The following ARHGAP15 variants were observed in gnomAD, a reference collection of about 807,000 sequenced individuals.
ARHGAP15 encodes Rho GTPase activating protein 15, also known as rho GTPase-activating protein 15.
A neutral mutation model predicts 63.7 loss-of-function variants in ARHGAP15; 51 were observed. The ratio of observed to expected loss-of-function variants is 0.80; its 90% CI spans 0.64 to 1.01. The LOEUF (loss-of-function observed/expected upper bound fraction) is 1.01, where lower values mean the gene tolerates loss of function less well. ARHGAP15 is among the 50% of genes least tolerant of loss of function. The pLI is 0.00. For missense variants in ARHGAP15, 560 were observed against 564.6 expected, an observed-to-expected ratio of 0.99 and a Z score of 0.08; for synonymous variants, 191 against 193.8, an observed-to-expected ratio of 0.99 and a Z score of 0.12.
At chr2:143,415,207 T>A (rs1156229552) in intron 6 of ARHGAP15, among the ~76,000 whole-genome samples, 1 of 152,086 alleles carries the variant, frequency 6.6e-6, no homozygotes, top group Non-Finnish European at 1.5e-5. Context: ...TCATTCATTG[T>A]TTAGGAAAAA....
chr2:143,528,985 C>T (rs1422046858), intron 10 of ARHGAP15, among the ~76,000 whole-genome samples: 1 of 152,050 alleles, frequency 6.6e-6, no homozygotes, highest in East Asian at 1.9e-4. Flanking sequence ...CTCAATTATA[C>T]CTAAAGCTTC....
At chr2:143,661,851 G>A (rs1264414001) in intron 12 of ARHGAP15, among the ~76,000 whole-genome samples, 7 of 152,286 alleles carry the variant, frequency 4.6e-5, no homozygotes, top group South Asian at 2.1e-4. Flanking sequence ...CGAATATTAC[G>A]CTTTTCGGAC....
chr2:143,378,451 T>C (rs1229349841), intron 6 of ARHGAP15, among the ~76,000 whole-genome samples: 3 of 152,066 alleles, frequency 2.0e-5, no homozygotes, highest in African/African-American at 7.2e-5. Context: ...AAAATAGTAA[T>C]ATACTGGATC....
At chr2:143,496,556 T>G (rs914815878) in intron 9 of ARHGAP15, among the ~76,000 whole-genome samples, 1 of 152,234 alleles carries the variant, frequency 6.6e-6, no homozygotes, top group Non-Finnish European at 1.5e-5. Flanking sequence ...TACACTTGAT[T>G]TTTTTAACCT....
At chr2:143,480,541 C>T (rs12616939) in intron 8 of ARHGAP15, among the ~76,000 whole-genome samples, 38,241 of 152,030 alleles carry the variant, frequency 0.25, 5,780 homozygotes, top group East Asian at 0.7. Flanking sequence ...AGTTAAAGTG[C>T]CCAGCATTCC....
chr2:143,154,596 A>G (rs1274947646), intron 1 of ARHGAP15, among the ~76,000 whole-genome samples: 1 of 151,978 alleles, frequency 6.6e-6, no homozygotes, highest in East Asian at 2.0e-4. Context: ...AAATGAGAAG[A>G]TGTGTTTGTA....
rs185232290 is a variant in ARHGAP15, at chr2:143,254,733, A to T, written c.474+4133A>T. ...AAATTAGTCTTGTCTCCCCAAAGAA[A>T]ATACATAGAAACTATATCCCATACT... On this transcript the variant is annotated intron_variant, in intron 6 of 13. Coordinates refer to ENST00000295095, the MANE Select transcript of ARHGAP15 (RefSeq NM_018460.4). Among the ~76,000 whole-genome samples, 23 of 152,242 alleles carry T rather than the reference A, an allele frequency of 1.5e-4. No homozygotes were observed. In the East Asian group the frequency reaches 3.5e-3, roughly 23 times the overall value.
chr2:143,354,641 C>T (rs903252985), intron 6 of ARHGAP15, among the ~76,000 whole-genome samples: 1 of 151,968 alleles, frequency 6.6e-6, no homozygotes, highest in Non-Finnish European at 1.5e-5. Flanking sequence ...TATGTAGCAC[C>T]TTATTTAAAT....
At chr2:143,543,248 A>G (rs1306839394) in intron 10 of ARHGAP15, among the ~76,000 whole-genome samples, 1 of 152,112 alleles carries the variant, frequency 6.6e-6, no homozygotes, top group African/African-American at 2.4e-5. Flanking sequence ...TATCAGAGGT[A>G]AGGTGATATC....
chr2:143,695,639 G>A (rs141257161), intron 12 of ARHGAP15, among the ~76,000 whole-genome samples: 101 of 152,212 alleles, frequency 6.6e-4, no homozygotes, highest in African/African-American at 2.2e-3. Flanking sequence ...AGGCTGAGGC[G>A]GGTGGATCGC....
intron 8 of ARHGAP15, among the ~76,000 whole-genome samples, chr2:143,483,509 T>A (rs1218082284): frequency 6.6e-6 from 1 of 152,208 alleles, no homozygotes; most frequent in Non-Finnish European, 1.5e-5. Context: ...AGATTGATTA[T>A]TCTGTGTCAT....
intron 8 of ARHGAP15, among the ~76,000 whole-genome samples, chr2:143,465,078 C>T (rs1285824837): frequency 6.6e-6 from 1 of 152,110 alleles, no homozygotes; most frequent in Non-Finnish European, 1.5e-5. Flanking sequence ...TTCTATTATT[C>T]CTCCCTTTTA....
intron 13 of ARHGAP15, among the ~76,000 whole-genome samples, chr2:143,716,121 A>G (rs1684800528): frequency 6.6e-6 from 1 of 152,176 alleles, no homozygotes; most frequent in South Asian, 2.1e-4. Flanking sequence ...ACCATGGCAC[A>G]CGTTTAACTA....
intron 12 of ARHGAP15, among the ~76,000 whole-genome samples, chr2:143,681,018 A>G (rs1041814499): frequency 2.0e-5 from 3 of 152,222 alleles, no homozygotes; most frequent in Non-Finnish European, 2.9e-5. Context: ...CTTTCAGTGC[A>G]AAGACACCAT....
chr2:143,562,273 AAGTG>A (rs1172776358), intron 11 of ARHGAP15, among the ~76,000 whole-genome samples: 1 of 152,236 alleles, frequency 6.6e-6, no homozygotes, highest in Non-Finnish European at 1.5e-5. Context: ...AAGAAAGAGA[AAGTG>A]AGAAAGAATG....
intron 6 of ARHGAP15, among the ~76,000 whole-genome samples, chr2:143,281,577 T>C (rs1441982652): frequency 6.6e-6 from 1 of 151,890 alleles, no homozygotes; most frequent in Non-Finnish European, 1.5e-5. Context: ...TAACGTGGAC[T>C]CCCGGGAAAC....
At chr2:143,476,407 A>C (rs1047978818) in intron 8 of ARHGAP15, among the ~76,000 whole-genome samples, 2 of 152,198 alleles carry the variant, frequency 1.3e-5, no homozygotes, top group Non-Finnish European at 2.9e-5. Flanking sequence ...ATGCAAATTC[A>C]AATTAATAAT....
At chr2:143,245,609 TTTCTTC>T (rs199646523) in intron 5 of ARHGAP15, among the ~76,000 whole-genome samples, 1 of 148,380 alleles carries the variant, frequency 6.7e-6, no homozygotes, top group Non-Finnish European at 1.5e-5. Flanking sequence ...GATGCTTGCT[TTTCTTC>T]TTCTTCTTTT....
At chr2:143,620,617 T>C (rs968100574) in intron 11 of ARHGAP15, among the ~76,000 whole-genome samples, 3 of 152,212 alleles carry the variant, frequency 2.0e-5, no homozygotes, top group Non-Finnish European at 2.9e-5. Context: ...ATTTTAAACA[T>C]AGTGGGGGCT....
Sources: gnomAD v4.1 joint callset for allele counts (sites outside exome capture counted in the v4.1 genomes callset) on GRCh38, gnomAD v4.1.1 for gene constraint, MANE v1.5 for transcripts, NCBI Gene and HGNC (gene_info 2026-07-23, HGNC 2026-07-21) for gene names.